Variants in ADGRL3 observed in about 807,000 individuals in gnomAD.
The protein encoded by ADGRL3 is adhesion G protein-coupled receptor L3.
ADGRL3 carries 62 observed loss-of-function variants against 153.5 expected under a neutral mutation model. That is an observed-to-expected ratio of 0.40 (90% CI 0.33 to 0.50). The LOEUF is 0.50. Among genes scored for constraint, ADGRL3 ranks in the 20% least tolerant of loss-of-function variants. The pLI, the probability that ADGRL3 is intolerant of heterozygous loss-of-function variation, is 0.47. For synonymous variants in ADGRL3, 710 were observed against 672.5 expected (o/e 1.06, Z -0.86); for missense variants, 1,641 against 1,859.4 (o/e 0.88, Z 2.16).
chr4:61,224,894 T>C (rs1420692152), intron 1 of ADGRL3, among the ~76,000 whole-genome samples: 1 of 152,210 alleles, frequency 6.6e-6, no homozygotes, highest in African/African-American at 2.4e-5. Context: ...ACAGTCTGTA[T>C]TCAAAAGGAG....
chr4:61,364,400 T>C (rs1171420840), intron 1 of ADGRL3, among the ~76,000 whole-genome samples: 1 of 151,858 alleles, frequency 6.6e-6, no homozygotes, highest in African/African-American at 2.4e-5. Flanking sequence ...GGGCAATATA[T>C]GTCGTGATTT....
rs3065826 is a variant in ADGRL3, at chr4:61,867,515, CATATATATAT to C, written c.1481-25125_1481-25116del. On this transcript the variant is annotated intron_variant, in intron 9 of 26. Transcript: ENST00000683033. ...ACCCTGTCTCAAAAAAATATATATG[CATATATATAT>C]ATATATATATATATAATTGTAGGAG... Among the ~76,000 whole-genome samples, 17 of 81,140 alleles carry C rather than the reference CATATATATAT, an allele frequency of 2.1e-4. 1 individual carries two copies. In the South Asian group the frequency reaches 2.1e-3, roughly 10 times the overall value. 53.2% of individuals were successfully genotyped at this position (81,140 alleles called of 152,430 possible).
chr4:61,886,398 GTAAATGAACACT>G (rs1431378224), intron 9 of ADGRL3, among the ~76,000 whole-genome samples: 2 of 152,064 alleles, frequency 1.3e-5, no homozygotes, highest in South Asian at 4.1e-4. Flanking sequence ...GACTTTGGAT[GTAAATGAACACT>G]TAAAGGGTGG....
intron 4 of ADGRL3, among the ~76,000 whole-genome samples, chr4:61,552,986 A>T (rs941073210): frequency 5.3e-5 from 8 of 152,176 alleles, no homozygotes; most frequent in African/African-American, 1.4e-4. Context: ...AAAGATATAT[A>T]CTATCAATCT....
Position 61,230,378 on chromosome 4 carries a change from T to C in ADGRL3, c.-240+28613T>C, listed in dbSNP as rs183671279. Among the ~76,000 whole-genome samples the C allele has an allele frequency of 2.0e-5, 3 of 152,298 alleles. No individual in the cohort carries two copies. In the East Asian group the frequency reaches 5.8e-4, roughly 29 times the overall value. On this transcript the variant is annotated intron_variant, in intron 1 of 26. Coordinates refer to ENST00000683033, the MANE Select transcript of ADGRL3 (RefSeq NM_001387552.1). ...TAGACATCTCAGATATTATAAGTGT[T>C]CCACATGCTGCAGCCTTTCCCTATG... is the stretch of plus-strand genomic sequence containing the variant.
intron 6 of ADGRL3, among the ~76,000 whole-genome samples, chr4:61,703,619 A>G (rs1438123968): frequency 1.3e-5 from 2 of 152,136 alleles, no homozygotes. Context: ...AGAAAAAAAA[A>G]AGATTCATTT....
chr4:61,583,083 T>C (rs2098932574), intron 4 of ADGRL3, among the ~76,000 whole-genome samples: 1 of 152,094 alleles, frequency 6.6e-6, no homozygotes. Flanking sequence ...ACCAATTAAT[T>C]GGCTACTTGC....
At chr4:61,694,207 T>TAGAGGCAGGA in intron 6 of ADGRL3, among the ~76,000 whole-genome samples, 1 of 107,330 alleles carries the variant, frequency 9.3e-6, no homozygotes, top group Admixed American at 1.1e-4. Context: ...TTTTTTTTTT[T>TAGAGGCAGGA]TTTTTTTTTT....
At chr4:61,976,021 T>TC (rs1438473508) in intron 17 of ADGRL3, among the ~76,000 whole-genome samples, 1 of 152,144 alleles carries the variant, frequency 6.6e-6, no homozygotes, top group Non-Finnish European at 1.5e-5. Context: ...AGGGTCCAGC[T>TC]CTAAAGCATT....
In ADGRL3 at chr4:61,531,482, G is replaced by A. The variant is rs1427464766; in HGVS notation, c.259+13964G>A. Among the ~76,000 whole-genome samples the A allele has an allele frequency of 2.0e-5, 3 of 152,256 alleles. No homozygotes were observed. In the South Asian group the frequency reaches 6.2e-4, roughly 32 times the overall value. ...CATTCAAGAGCCTTAGTGGCTTGAT[G>A]TGGTGAGAGTGATGAACAACCTTCA... On this transcript the variant is annotated intron_variant, in intron 4 of 26. Coordinates refer to ENST00000683033, the MANE Select transcript of ADGRL3 (RefSeq NM_001387552.1).
intron 2 of ADGRL3, among the ~76,000 whole-genome samples, chr4:61,491,229 G>A (rs567002939): frequency 1.0e-3 from 158 of 151,974 alleles, no homozygotes; most frequent in Middle Eastern, 3.2e-3. Flanking sequence ...CACTTCGTAG[G>A]GCATGGATTA....
intron 2 of ADGRL3, 86 bp from the exon 3 acceptor site, chr4:61,497,035 G>A (rs2098327844): frequency 4.9e-6 from 2 of 408,096 alleles, no homozygotes; most frequent in East Asian, 5.1e-5. Context: ...ATATTAACAT[G>A]ATGGCAATAT....
At chr4:61,263,968 G>A (rs1205246433) in intron 1 of ADGRL3, among the ~76,000 whole-genome samples, 1 of 151,570 alleles carries the variant, frequency 6.6e-6, no homozygotes, top group Non-Finnish European at 1.5e-5. Context: ...TTTTGAGATA[G>A]GCTTGTTGGT....
At chr4:61,242,185 A>G (rs1465211444) in intron 1 of ADGRL3, among the ~76,000 whole-genome samples, 1 of 151,906 alleles carries the variant, frequency 6.6e-6, no homozygotes, top group Non-Finnish European at 1.5e-5. Flanking sequence ...TCATGATTGT[A>G]TTTGCTTGAT....
At position 61,762,976 on chromosome 4, in the gene ADGRL3, C is replaced by A. The variant is rs368230804; in HGVS notation, c.1399+29422C>A. Among the ~76,000 whole-genome samples the A allele has an allele frequency of 3.2e-4, 49 of 152,196 alleles. 1 individual carries two copies. Among genetic ancestry groups the A allele is most frequent in the African/African-American group, 1.2e-3 (48 of 41,546 alleles). On this transcript the variant is annotated intron_variant, in intron 8 of 26. Coordinates refer to ENST00000683033, the MANE Select transcript of ADGRL3 (RefSeq NM_001387552.1). ...CATTCAGTTTTGGTGCTACTCTTTT[C>A]CTTTTTCTCATTCTGGAACAACCAG...
chr4:61,738,072 C>T (rs2096540021), intron 8 of ADGRL3, among the ~76,000 whole-genome samples: 1 of 152,040 alleles, frequency 6.6e-6, no homozygotes, highest in African/African-American at 2.4e-5. Context: ...TTTTATCCCT[C>T]ATCCCCTCCC....
At chr4:61,304,889 A>G (rs1326693995) in intron 1 of ADGRL3, among the ~76,000 whole-genome samples, 1 of 152,198 alleles carries the variant, frequency 6.6e-6, no homozygotes, top group Non-Finnish European at 1.5e-5. Flanking sequence ...ACCTAAAGTG[A>G]TTCTGATAGT....
chr4:61,408,787 T>A (rs1391904920), intron 2 of ADGRL3, among the ~76,000 whole-genome samples: 1 of 152,038 alleles, frequency 6.6e-6, no homozygotes, highest in Non-Finnish European at 1.5e-5. Flanking sequence ...TTCTTGGAAG[T>A]GAGAAAACAC....
intron 21 of ADGRL3, among the ~76,000 whole-genome samples, chr4:62,010,919 C>G (rs145636182): frequency 1.0e-3 from 154 of 152,096 alleles, no homozygotes; most frequent in African/African-American, 3.6e-3. Context: ...GGATTTTAAA[C>G]TTTAGAATAA....
Sources: allele counts gnomAD v4.1 joint callset (sites outside exome capture counted in the v4.1 genomes callset), GRCh38; gene constraint gnomAD v4.1.1; transcripts MANE v1.5; gene names NCBI Gene and HGNC (gene_info 2026-07-23, HGNC 2026-07-21).